NPAS3: variants seen among roughly 807,000 people sequenced by gnomAD.
NPAS3 encodes neuronal PAS domain protein 3, also known as neuronal PAS domain-containing protein 3.
A neutral mutation model predicts 73.1 loss-of-function variants in NPAS3; 14 were observed. That is an observed-to-expected ratio of 0.19 (90% CI 0.13 to 0.30). NPAS3 has a LOEUF of 0.30. Ranked by LOEUF, NPAS3 falls within the 10% of genes least tolerant of loss-of-function variation. NPAS3 has a pLI of 1.00. For missense variants in NPAS3, 1,096 were observed against 1,250.0 expected, an observed-to-expected ratio of 0.88 and a Z score of 1.86; for synonymous variants, 620 against 541.5, an observed-to-expected ratio of 1.14 and a Z score of -2.01.
intron 5 of NPAS3, among the ~76,000 whole-genome samples, chr14:33,560,921 A>G (rs2055615543): frequency 6.6e-6 from 1 of 152,200 alleles, no homozygotes; most frequent in Non-Finnish European, 1.5e-5. Flanking sequence ...TGAATGCCAA[A>G]ATATCCTGAA....
chr14:33,035,653 C>T (rs1325618372), intron 1 of NPAS3, among the ~76,000 whole-genome samples: 1 of 152,174 alleles, frequency 6.6e-6, no homozygotes, highest in Non-Finnish European at 1.5e-5. Flanking sequence ...CTTGGCACAG[C>T]ATTTTCCAAT....
chr14:33,294,084 G>A (rs1320863946), intron 3 of NPAS3, among the ~76,000 whole-genome samples: 1 of 152,182 alleles, frequency 6.6e-6, no homozygotes, highest in African/African-American at 2.4e-5. Flanking sequence ...GTGCAACTGA[G>A]GAGGGAAAGC....
chr14:33,673,926 C>T (rs1267017257), intron 5 of NPAS3, among the ~76,000 whole-genome samples: 1 of 152,072 alleles, frequency 6.6e-6, no homozygotes, highest in Non-Finnish European at 1.5e-5. Context: ...GCCTTAACTA[C>T]AGTATACATA....
At chr14:33,082,629 T>C (rs1483901172) in intron 2 of NPAS3, among the ~76,000 whole-genome samples, 1 of 152,226 alleles carries the variant, frequency 6.6e-6, no homozygotes, top group African/African-American at 2.4e-5. Flanking sequence ...AACAAGAAGT[T>C]GCTTAAGAAA....
intron 3 of NPAS3, among the ~76,000 whole-genome samples, chr14:33,294,250 T>C (rs1440139148): frequency 6.6e-6 from 1 of 152,208 alleles, no homozygotes; most frequent in African/African-American, 2.4e-5. Context: ...TTCACCCACA[T>C]TGGTCTTCTT....
chr14:33,074,883 C>A (rs1333521009), intron 2 of NPAS3, among the ~76,000 whole-genome samples: 1 of 152,088 alleles, frequency 6.6e-6, no homozygotes, highest in Non-Finnish European at 1.5e-5. Context: ...TTATGAACTA[C>A]AAGATTCACA....
Position 33,215,174 on chromosome 14 carries a change from G to T in NPAS3, c.141-8G>T. 1 of 1,613,368 alleles carries T rather than the reference G, an allele frequency of 6.2e-7. No homozygotes were observed. The highest frequency in any genetic ancestry group is 1.3e-5 in the African/African-American group (1 of 74,980). On this transcript the variant is annotated splice_region_variant and splice_polypyrimidine_tract_variant and intron_variant, in intron 2 of 11. Transcript: ENST00000356141. The stretch of plus-strand genomic sequence containing the variant: ...CTAAACCACACATTCTCACTCCTTT[G>T]ATTTCAGTTTACAAGCATTGAGAAA...
intron 4 of NPAS3, among the ~76,000 whole-genome samples, chr14:33,382,661 T>C (rs1594805239): frequency 6.6e-6 from 1 of 152,292 alleles, no homozygotes; most frequent in South Asian, 2.1e-4. Context: ...AGAACTGTAT[T>C]AATGAAATGT....
chr14:33,573,425 A>C (rs1169482508), intron 5 of NPAS3, among the ~76,000 whole-genome samples: 1 of 152,202 alleles, frequency 6.6e-6, no homozygotes, highest in African/African-American at 2.4e-5. Context: ...TGAATACTGA[A>C]TGTCATGGTC....
intron 2 of NPAS3, among the ~76,000 whole-genome samples, chr14:33,166,111 G>C (rs560850055): frequency 6.6e-6 from 1 of 152,088 alleles, no homozygotes; most frequent in Non-Finnish European, 1.5e-5. Flanking sequence ...CTGTCAGACC[G>C]GCCTCATAGG....
intron 6 of NPAS3, among the ~76,000 whole-genome samples, chr14:33,723,237 A>C (rs2061166375): frequency 6.6e-6 from 1 of 151,860 alleles, no homozygotes; most frequent in Admixed American, 6.6e-5. Context: ...AATCTTCTAA[A>C]CTCTTCCATT....
At chr14:33,738,061 A>G (rs1303935169) in intron 7 of NPAS3, among the ~76,000 whole-genome samples, 1 of 152,164 alleles carries the variant, frequency 6.6e-6, no homozygotes, top group African/African-American at 2.4e-5. Context: ...CACTTACTGA[A>G]CATTGACTGC....
At chr14:33,561,525 A>G (rs1032538030) in intron 5 of NPAS3, among the ~76,000 whole-genome samples, 1 of 152,176 alleles carries the variant, frequency 6.6e-6, no homozygotes, top group Non-Finnish European at 1.5e-5. Context: ...GCTTTTGTTA[A>G]CTCGGTATTA....
chr14:33,194,163 G>A lies in NPAS3; in HGVS notation c.141-21019G>A, dbSNP rs192797830. 1.2e-3 allele frequency among the ~76,000 whole-genome samples: 188 copies of A among 152,312 alleles called. 2 individuals are homozygous for A. Among genetic ancestry groups the A allele is most frequent in the Non-Finnish European group, 2.1e-3 (141 of 68,026 alleles). ...AATTGCCCAAATCACTGTAGTTAGT[G>A]TAAAATTGTCTCTGGAACTATTTCC... is the stretch of plus-strand genomic sequence containing the variant. On this transcript the variant is annotated intron_variant, in intron 2 of 11. Coordinates refer to ENST00000356141, the Ensembl canonical transcript of NPAS3.
chr14:33,331,861 GTTAAC>G (rs2044000302), intron 3 of NPAS3, among the ~76,000 whole-genome samples: 1 of 152,190 alleles, frequency 6.6e-6, no homozygotes, highest in Non-Finnish European at 1.5e-5. Flanking sequence ...TGTAGAATAA[GTTAAC>G]TTGTCTGTCC....
At chr14:33,578,793 C>T (rs1714012988) in intron 5 of NPAS3, among the ~76,000 whole-genome samples, 1 of 151,954 alleles carries the variant, frequency 6.6e-6, no homozygotes, top group South Asian at 2.1e-4. Flanking sequence ...TTTTACTGGC[C>T]CAATTTATTC....
At chr14:33,254,333 C>T (rs1389378140) in intron 3 of NPAS3, among the ~76,000 whole-genome samples, 2 of 152,032 alleles carry the variant, frequency 1.3e-5, no homozygotes, top group African/African-American at 4.8e-5. Flanking sequence ...AGAATGCTAC[C>T]TTCTCTTACC....
intron 2 of NPAS3, among the ~76,000 whole-genome samples, chr14:33,057,221 T>TC (rs1274382802): frequency 6.6e-6 from 1 of 152,358 alleles, no homozygotes; most frequent in East Asian, 1.9e-4. Context: ...TATCTCTGGC[T>TC]TTATTTATTG....
At chr14:33,281,156 C>T (rs1179810551) in intron 3 of NPAS3, among the ~76,000 whole-genome samples, 1 of 152,104 alleles carries the variant, frequency 6.6e-6, no homozygotes, top group African/African-American at 2.4e-5. Flanking sequence ...CTTTCTGTTT[C>T]TACACTACGT....
Sources: allele counts gnomAD v4.1 joint callset (sites outside exome capture counted in the v4.1 genomes callset), GRCh38; gene constraint gnomAD v4.1.1; transcripts MANE v1.5; gene names NCBI Gene and HGNC (gene_info 2026-07-23, HGNC 2026-07-21).